The following SCHIP1 variants were observed in gnomAD, a reference collection of about 807,000 sequenced individuals.
SCHIP1 encodes schwannomin interacting protein 1.
In SCHIP1, 8 loss-of-function variants were observed where a neutral mutation model predicts 29.7. The observed-to-expected ratio is 0.27, with a 90% CI of 0.16 to 0.49. The LOEUF (loss-of-function observed/expected upper bound fraction) is 0.49. Ranked by LOEUF, SCHIP1 falls within the 20% of genes least tolerant of loss-of-function variation. The pLI, the probability that SCHIP1 is intolerant of heterozygous loss-of-function variation, is 0.99. For synonymous variants in SCHIP1, 76 were observed against 94.9 expected, an observed-to-expected ratio of 0.80 and a Z score of 1.16; for missense variants, 193 against 294.6, an observed-to-expected ratio of 0.66 and a Z score of 2.52.
chr3:159,319,488 C>A, the SCHIP1 span, among the ~76,000 whole-genome samples: 1 of 152,190 alleles, frequency 6.6e-6, no homozygotes, highest in African/African-American at 2.4e-5. Context: ...ATATCTGTTA[C>A]AAATGTCTGT....
At chr3:159,473,481 T>C in the SCHIP1 span, among the ~76,000 whole-genome samples, 3 of 152,012 alleles carry the variant, frequency 2.0e-5, no homozygotes, top group Non-Finnish European at 4.4e-5. Flanking sequence ...CTTGGAGCTA[T>C]AGTTGTTGAT....
chr3:159,341,452 C>T, the SCHIP1 span, among the ~76,000 whole-genome samples: 1 of 152,122 alleles, frequency 6.6e-6, no homozygotes, highest in Non-Finnish European at 1.5e-5. Flanking sequence ...CATACTGTGA[C>T]CTACTTAAGA....
At chr3:159,407,262 T>C in the SCHIP1 span, among the ~76,000 whole-genome samples, 1 of 152,166 alleles carries the variant, frequency 6.6e-6, no homozygotes, top group South Asian at 2.1e-4. Flanking sequence ...AAAATGGATT[T>C]TGAGACAAAG....
chr3:159,737,939 C>A, the SCHIP1 span, among the ~76,000 whole-genome samples: 1 of 151,996 alleles, frequency 6.6e-6, no homozygotes, highest in Non-Finnish European at 1.5e-5. Flanking sequence ...TGATGCTTTG[C>A]CTTGTTCATT....
chr3:159,891,410 A>AAGGGAGCGAGGGAGGG (rs1717531615), intron 5 of SCHIP1, among the ~76,000 whole-genome samples: 1 of 151,266 alleles, frequency 6.6e-6, no homozygotes, highest in African/African-American at 2.4e-5. Flanking sequence ...GGGAGGGAGG[A>AAGGGAGCGAGGGAGGG]AGGGAGCGAG....
chr3:159,701,365 G>A, the SCHIP1 span, among the ~76,000 whole-genome samples: 969 of 152,114 alleles, frequency 6.4e-3, 13 homozygotes, highest in African/African-American at 0.022. Flanking sequence ...CCCCCTACAC[G>A]CACAACCTTC....
the SCHIP1 span, among the ~76,000 whole-genome samples, chr3:159,473,359 G>C: frequency 6.6e-6 from 1 of 151,976 alleles, no homozygotes; most frequent in East Asian, 1.9e-4. Context: ...TAAATGTAAC[G>C]CATGTTTCTT....
At chr3:159,779,403 C>T in the SCHIP1 span, among the ~76,000 whole-genome samples, 1 of 152,026 alleles carries the variant, frequency 6.6e-6, no homozygotes, top group African/African-American at 2.4e-5. Flanking sequence ...TGCAGTGGCT[C>T]ACGCCTGTAA....
chr3:159,625,280 C>A, the SCHIP1 span, among the ~76,000 whole-genome samples: 2 of 152,104 alleles, frequency 1.3e-5, no homozygotes, highest in African/African-American at 4.8e-5. Context: ...ATCACACCTG[C>A]CTCCTAGGGG....
At chr3:159,447,569 C>T in the SCHIP1 span, among the ~76,000 whole-genome samples, 8 of 152,286 alleles carry the variant, frequency 5.3e-5, no homozygotes, top group Non-Finnish European at 1.0e-4. Context: ...ATTGCCGTGC[C>T]ATATGATTGA....
At chr3:159,530,628 G>A in the SCHIP1 span, among the ~76,000 whole-genome samples, 9 of 152,160 alleles carry the variant, frequency 5.9e-5, no homozygotes, top group Middle Eastern at 3.4e-3. Context: ...TTTGACCTTC[G>A]CTCTACCCTG....
At chr3:159,504,947 G>A in the SCHIP1 span, among the ~76,000 whole-genome samples, 4 of 152,156 alleles carry the variant, frequency 2.6e-5, no homozygotes, top group African/African-American at 7.2e-5. Context: ...AAGGGACAAA[G>A]AAACCTTCTC....
chr3:159,462,587 G>T, the SCHIP1 span, among the ~76,000 whole-genome samples: 1 of 152,046 alleles, frequency 6.6e-6, no homozygotes, highest in Non-Finnish European at 1.5e-5. Flanking sequence ...ACAGCCTCCA[G>T]ATTAATCATC....
the SCHIP1 span, among the ~76,000 whole-genome samples, chr3:159,708,737 T>C: frequency 6.6e-6 from 1 of 152,202 alleles, no homozygotes. Flanking sequence ...CATGGAGAGC[T>C]GTCACCCTTA....
chr3:159,765,094 C>CAGG, the SCHIP1 span: 1 of 1,572,340 alleles, frequency 6.4e-7, no homozygotes, highest in Non-Finnish European at 8.6e-7. Context: ...GTTCCGGGAG[C>CAGG]AGGAGGTACG....
chr3:159,519,847 T>C, the SCHIP1 span, among the ~76,000 whole-genome samples: 1 of 126,064 alleles, frequency 7.9e-6, no homozygotes, highest in Non-Finnish European at 1.7e-5. Context: ...CCTCAAGGCA[T>C]TATCAGTCAT....
the SCHIP1 span, among the ~76,000 whole-genome samples, chr3:159,587,843 C>A: frequency 6.6e-6 from 1 of 152,254 alleles, no homozygotes; most frequent in Admixed American, 6.5e-5. Context: ...GTATATGTGC[C>A]ACATTTTCTT....
the SCHIP1 span, among the ~76,000 whole-genome samples, chr3:159,425,321 G>T: frequency 6.6e-6 from 1 of 151,730 alleles, no homozygotes; most frequent in African/African-American, 2.4e-5. Context: ...GACACACATA[G>T]GCTCAAAATA....
At chr3:159,518,058 A>C in the SCHIP1 span, among the ~76,000 whole-genome samples, 7 of 152,192 alleles carry the variant, frequency 4.6e-5, no homozygotes, top group Non-Finnish European at 8.8e-5. Context: ...ACAACTGCAA[A>C]AATGAGAAAC....
Sources: allele counts gnomAD v4.1 joint callset (sites outside exome capture counted in the v4.1 genomes callset), GRCh38; gene constraint gnomAD v4.1.1; transcripts MANE v1.5; gene names NCBI Gene and HGNC (gene_info 2026-07-23, HGNC 2026-07-21).